The following YY1 variants were observed in gnomAD, a reference collection of about 807,000 sequenced individuals.
YY1 encodes the protein transcriptional repressor protein YY1.
In YY1, 2 loss-of-function variants were observed where a neutral mutation model predicts 35.6. The observed-to-expected ratio is 0.06, with a 90% CI of 0.02 to 0.18. The LOEUF (loss-of-function observed/expected upper bound fraction) is 0.18. Among genes scored for constraint, YY1 ranks in the 10% least tolerant of loss-of-function variants. The pLI, the probability that YY1 is intolerant of heterozygous loss-of-function variation, is 1.00. For synonymous variants in YY1, 268 were observed against 238.9 expected (o/e 1.12, Z -1.12); for missense variants, 322 against 573.4 (o/e 0.56, Z 4.48).
At chr14:100,260,117 C>CTCTG (rs2139586845) in intron 1 of YY1, among the ~76,000 whole-genome samples, 1 of 152,238 alleles carries the variant, frequency 6.6e-6, no homozygotes, top group African/African-American at 2.4e-5. Flanking sequence ...CGGGGTCTTG[C>CTCTG]TCTGTTGCCC....
chr14:100,263,078 TTG>T (rs955624851), intron 2 of YY1, among the ~76,000 whole-genome samples: 1 of 152,182 alleles, frequency 6.6e-6, no homozygotes, highest in African/African-American at 2.4e-5. Flanking sequence ...CAGCCAATTT[TTG>T]TGTGTTTAGT....
intron 1 of YY1, 137 bp from the exon 2 acceptor site, chr14:100,262,167 A>C: frequency 1.1e-6 from 1 of 935,708 alleles, no homozygotes; most frequent in Non-Finnish European, 1.6e-6. Flanking sequence ...TTCTCCAAAA[A>C]AAAAAAAGGG....
chr14:100,273,539 A>AT (rs1487603647), intron 2 of YY1, among the ~76,000 whole-genome samples: 3 of 151,380 alleles, frequency 2.0e-5, no homozygotes, highest in Admixed American at 1.3e-4. Flanking sequence ...TAATTTTTTT[A>AT]TTTTTTGTAG....
At chr14:100,253,343 C>T (rs980917336) in intron 1 of YY1, among the ~76,000 whole-genome samples, 7 of 152,166 alleles carry the variant, frequency 4.6e-5, no homozygotes, top group African/African-American at 1.7e-4. Context: ...CTCTATGTAG[C>T]AAATCTTTTT....
At chr14:100,259,753 G>A (rs1408387474) in intron 1 of YY1, among the ~76,000 whole-genome samples, 6 of 152,180 alleles carry the variant, frequency 3.9e-5, no homozygotes, top group African/African-American at 1.4e-4. Context: ...CCATGCACTT[G>A]TGAATTTAAC....
In YY1 at chr14:100,259,316, C is replaced by T. The variant is rs192379783; in HGVS notation, c.680-2988C>T. Among the ~76,000 whole-genome samples the T allele has an allele frequency of 4.0e-3, 609 of 152,186 alleles. 5 individuals carry two copies. Among genetic ancestry groups the T allele is most frequent in the African/African-American group, 0.014 (572 of 41,514 alleles). On this transcript the variant is annotated intron_variant, in intron 1 of 4. Coordinates refer to ENST00000262238, the MANE Select transcript of YY1 (RefSeq NM_003403.5). ...CGGGTGGATCACGAGGTCAAGAGAT[C>T]GAGACCATCCTGGCCAACGTGGTGA... is the stretch of plus-strand genomic sequence containing the variant.
intron 1 of YY1, among the ~76,000 whole-genome samples, chr14:100,247,045 G>GT (rs1890843922): frequency 1.3e-5 from 2 of 152,132 alleles, no homozygotes; most frequent in African/African-American, 4.8e-5. Context: ...AGAAAAATCC[G>GT]TATCAGGAAA....
intron 1 of YY1, among the ~76,000 whole-genome samples, chr14:100,257,263 T>C (rs1005945347): frequency 6.6e-6 from 1 of 152,204 alleles, no homozygotes; most frequent in Non-Finnish European, 1.5e-5. Flanking sequence ...GTAAGTTCCT[T>C]GAGAGCAGAT....
intron 2 of YY1, among the ~76,000 whole-genome samples, chr14:100,264,889 G>A (rs1034755966): frequency 2.0e-5 from 3 of 152,068 alleles, no homozygotes; most frequent in Non-Finnish European, 2.9e-5. Context: ...AGGTGGGATC[G>A]CTTGAGGCCA....
chr14:100,251,682 T>C (rs1841224003), intron 1 of YY1, among the ~76,000 whole-genome samples: 1 of 152,198 alleles, frequency 6.6e-6, no homozygotes, highest in African/African-American at 2.4e-5. Flanking sequence ...CCAGACATGA[T>C]GATTGGCATT....
At chr14:100,272,727 G>A (rs1891260223) in intron 2 of YY1, among the ~76,000 whole-genome samples, 1 of 151,236 alleles carries the variant, frequency 6.6e-6, no homozygotes. Flanking sequence ...ATTCTATATT[G>A]ATGAATTCTG....
rs1239719442 is a variant in YY1, at chr14:100,255,394, G to T, written c.680-6910G>T. 2.0e-5 allele frequency among the ~76,000 whole-genome samples: 3 copies of T among 152,044 alleles called. No individual in the cohort carries two copies. The East Asian group carries it at 5.8e-4, about 29-fold the overall frequency. On this transcript the variant is annotated intron_variant, in intron 1 of 4. Transcript: ENST00000262238. Reference sequence around the variant, plus strand: ...AGCAGTTTGGGAGGCTGAGGTGGGCGGATCACCTGAGATCAGGAGTTAGAG... The same window carrying T: ...AGCAGTTTGGGAGGCTGAGGTGGGCTGATCACCTGAGATCAGGAGTTAGAG...
intron 1 of YY1, among the ~76,000 whole-genome samples, chr14:100,243,969 G>A (rs986876930): frequency 6.6e-6 from 1 of 152,004 alleles, no homozygotes. Flanking sequence ...TTAGCCGGGC[G>A]CTGTGGCGGG....
intron 1 of YY1, among the ~76,000 whole-genome samples, chr14:100,247,033 A>T (rs576202954): frequency 6.6e-6 from 1 of 152,342 alleles, no homozygotes; most frequent in South Asian, 2.1e-4. Context: ...CCTAGTGGGA[A>T]AAGAAAAATC....
At chr14:100,245,616 G>A (rs182889832) in intron 1 of YY1, among the ~76,000 whole-genome samples, 2 of 151,416 alleles carry the variant, frequency 1.3e-5, no homozygotes, top group Non-Finnish European at 2.9e-5. Flanking sequence ...GGTTTTTTGG[G>A]TTTTTTTTGA....
At chr14:100,269,624 C>T (rs955542830) in intron 2 of YY1, among the ~76,000 whole-genome samples, 8 of 152,150 alleles carry the variant, frequency 5.3e-5, no homozygotes, top group African/African-American at 1.9e-4. Flanking sequence ...TGAAAAATGA[C>T]TTTTTTCATT....
intron 1 of YY1, among the ~76,000 whole-genome samples, chr14:100,240,614 T>C (rs1031472066): frequency 5.3e-5 from 8 of 152,120 alleles, no homozygotes; most frequent in Admixed American, 2.6e-4. Context: ...AAGTCGTCGT[T>C]TGCTGCGGGG....
chr14:100,240,522 C>A (rs527565047), intron 1 of YY1, among the ~76,000 whole-genome samples: 1 of 22,996 alleles, frequency 4.3e-5, no homozygotes, highest in Admixed American at 4.7e-4. Flanking sequence ...GGGGGCTTGG[C>A]ACTCGTGGGC....
rs1685117400 is a variant in YY1 at position 100,239,725 on chromosome 14, G to A, written c.481G>A (p.Gly161Ser). Residue 161 changes from glycine (G) to serine (S), a missense_variant, in exon 1 of 5, where the codon GGC (glycine) becomes AGC (serine). By Grantham distance (56) the Gly-to-Ser change is moderately conservative. Around this residue, in one of 4 missense-constraint regions of YY1, gnomAD observed 152 missense variants for 167.1 expected, o/e 0.91. Coordinates refer to ENST00000262238, the MANE Select transcript of YY1 (RefSeq NM_003403.5). The stretch of plus-strand genomic sequence containing the variant: ...CGTGGCGGCGGCCGGCAAGAGCGGC[G>A]GCGGCGGCTCGTCGTCGTCGGGAGG... ...VTVAAAGKSG[G>S]GGSSSSGGGR... 1 of 1,596,994 alleles carries A rather than the reference G, an allele frequency of 6.3e-7. No individual in the cohort carries two copies. The highest frequency in any genetic ancestry group is 8.5e-7 in the Non-Finnish European group (1 of 1,176,146).
Sources: gnomAD v4.1 joint callset for allele counts (sites outside exome capture counted in the v4.1 genomes callset) on GRCh38, gnomAD v4.1.1 for gene constraint, gnomAD v4.1.1 regional missense constraint, MANE v1.5 for transcripts, NCBI Gene and HGNC (gene_info 2026-07-23, HGNC 2026-07-21) for gene names.